The following SMYD3 variants were observed in gnomAD, a reference collection of about 807,000 sequenced individuals.
The protein encoded by SMYD3 is histone-lysine N-methyltransferase SMYD3.
A neutral mutation model predicts 57.7 loss-of-function variants in SMYD3; 36 were observed. The ratio of observed to expected loss-of-function variants is 0.62; its 90% confidence interval spans 0.48 to 0.82. SMYD3 has a LOEUF of 0.82. SMYD3 is among the 40% of genes least tolerant of loss of function. The probability of loss-of-function intolerance (pLI) is 0.00; values close to 1 mark genes in which losing one functional copy is unlikely to be tolerated. For synonymous variants in SMYD3, 211 were observed against 195.0 expected (o/e 1.08, Z -0.68); for missense variants, 515 against 538.8 (o/e 0.96, Z 0.44).
intron 1 of SMYD3, among the ~76,000 whole-genome samples, chr1:246,378,699 C>T (rs2066321285): frequency 1.7e-5 from 1 of 59,136 alleles, no homozygotes; most frequent in Non-Finnish European, 3.5e-5. Context: ...TTAATAAACT[C>T]CCCTTTATAT....
intron 5 of SMYD3, among the ~76,000 whole-genome samples, chr1:246,081,083 G>A (rs1351906225): frequency 6.6e-6 from 1 of 152,180 alleles, no homozygotes; most frequent in East Asian, 1.9e-4. Flanking sequence ...CCACTGAAAG[G>A]AAAATGTGAG....
At chr1:245,882,457 G>T (rs77072211) in intron 8 of SMYD3, among the ~76,000 whole-genome samples, 1 of 152,092 alleles carries the variant, frequency 6.6e-6, no homozygotes, top group African/African-American at 2.4e-5. Flanking sequence ...ACTACAATGA[G>T]CCAAAAATCA....
At position 246,022,209 on chromosome 1, in the gene SMYD3, T is replaced by C. The variant is rs557930440; in HGVS notation, c.532-92272A>G. Among the ~76,000 whole-genome samples the C allele has an allele frequency of 2.0e-5, 3 of 152,308 alleles. No individual in the cohort carries two copies. The East Asian group carries it at 5.8e-4, about 29-fold the overall frequency. On this transcript the variant is annotated intron_variant, in intron 5 of 11. Coordinates refer to ENST00000490107, the MANE Select transcript of SMYD3 (RefSeq NM_001167740.2). ...GCCATCACCTCTTTGCACAAGTCAA[T>C]ATGGGCAAAAATTGTTTTCAAAAAC...
intron 5 of SMYD3, among the ~76,000 whole-genome samples, chr1:246,189,708 A>G (rs1572182523): frequency 6.6e-6 from 1 of 152,262 alleles, no homozygotes; most frequent in South Asian, 2.1e-4. Flanking sequence ...CATGGGCAAA[A>G]TAAAGAAAGA....
At chr1:246,131,781 AATG>A (rs2061592063) in intron 5 of SMYD3, among the ~76,000 whole-genome samples, 1 of 152,232 alleles carries the variant, frequency 6.6e-6, no homozygotes, top group Admixed American at 6.5e-5. Flanking sequence ...GTTATTAAAC[AATG>A]ATGAACACAT....
At chr1:246,275,023 AT>A (rs990153734) in intron 5 of SMYD3, among the ~76,000 whole-genome samples, 10 of 151,984 alleles carry the variant, frequency 6.6e-5, no homozygotes, top group Non-Finnish European at 1.5e-4. Context: ...TTATAGGCAG[AT>A]TTTTTTTGAG....
chr1:246,413,502 C>T (rs566012609), intron 1 of SMYD3, among the ~76,000 whole-genome samples: 43 of 152,094 alleles, frequency 2.8e-4, no homozygotes, highest in Non-Finnish European at 4.6e-4. Context: ...TTTGAATATA[C>T]GTCCCCACCA....
At chr1:246,018,290 G>A (rs1417055656) in intron 5 of SMYD3, among the ~76,000 whole-genome samples, 3 of 152,032 alleles carry the variant, frequency 2.0e-5, no homozygotes, top group East Asian at 1.9e-4. Flanking sequence ...ACAACCAGCC[G>A]TGTCTCTGTT....
intron 5 of SMYD3, among the ~76,000 whole-genome samples, chr1:245,997,322 T>C (rs2058950586): frequency 6.6e-6 from 1 of 152,226 alleles, no homozygotes; most frequent in Non-Finnish European, 1.5e-5. Flanking sequence ...TCAACTTCAT[T>C]GTGAAATCAG....
At chr1:246,098,467 A>G (rs190082512) in intron 5 of SMYD3, among the ~76,000 whole-genome samples, 39 of 152,248 alleles carry the variant, frequency 2.6e-4, no homozygotes, top group Admixed American at 7.8e-4. Flanking sequence ...AAAGGCTACA[A>G]TTTGAATGTT....
chr1:246,486,485 A>G (rs2068190011), intron 1 of SMYD3, among the ~76,000 whole-genome samples: 1 of 152,204 alleles, frequency 6.6e-6, no homozygotes, highest in African/African-American at 2.4e-5. Flanking sequence ...TATTTATTTC[A>G]GGGATAAGTG....
intron 9 of SMYD3, among the ~76,000 whole-genome samples, chr1:245,861,032 G>A (rs1426179574): frequency 6.6e-6 from 1 of 152,244 alleles, no homozygotes; most frequent in Non-Finnish European, 1.5e-5. Context: ...TCATAGGAAT[G>A]CATTTATTTT....
At chr1:246,295,501 A>T (rs1188386231) in intron 5 of SMYD3, among the ~76,000 whole-genome samples, 1 of 152,222 alleles carries the variant, frequency 6.6e-6, no homozygotes, top group African/African-American at 2.4e-5. Context: ...TTGATTTAAC[A>T]AGAAGATTCT....
intron 5 of SMYD3, among the ~76,000 whole-genome samples, chr1:246,225,804 C>G (rs1044256658): frequency 6.6e-6 from 1 of 152,122 alleles, no homozygotes; most frequent in African/African-American, 2.4e-5. Flanking sequence ...CGGAGGGATT[C>G]GTAACAACTA....
intron 5 of SMYD3, among the ~76,000 whole-genome samples, chr1:246,267,394 T>C (rs1234612531): frequency 1.3e-5 from 2 of 152,242 alleles, no homozygotes; most frequent in East Asian, 3.8e-4. Context: ...TTATGGTTTA[T>C]GTTATTTATG....
chr1:245,866,674 G>C (rs1394973397), intron 8 of SMYD3, among the ~76,000 whole-genome samples: 1 of 152,190 alleles, frequency 6.6e-6, no homozygotes, highest in African/African-American at 2.4e-5. Context: ...AGAGGTTGCA[G>C]TGAGCCAAGA....
At chr1:246,329,446 T>G (rs972008629) in intron 4 of SMYD3, among the ~76,000 whole-genome samples, 5 of 152,186 alleles carry the variant, frequency 3.3e-5, no homozygotes, top group East Asian at 1.9e-4. Context: ...GGCCAGTGAT[T>G]GTGAGCATTT....
chr1:245,920,257 G>T (rs1166590605), intron 7 of SMYD3, among the ~76,000 whole-genome samples: 1 of 147,436 alleles, frequency 6.8e-6, no homozygotes, highest in Non-Finnish European at 1.5e-5. Context: ...AGCTTGCAGT[G>T]AGACGAGATC....
In SMYD3 at chr1:246,396,855, C is replaced by T. The variant is rs78924146; in HGVS notation, c.165-41761G>A. Reference sequence around the variant, plus strand: ...ACAGAATCATTAGCTGATGAAAGCTCTTTTCTTTATAAATTACCCAGTCTC... The same window carrying T: ...ACAGAATCATTAGCTGATGAAAGCTTTTTTCTTTATAAATTACCCAGTCTC... On this transcript the variant is annotated intron_variant, in intron 1 of 11. Coordinates refer to ENST00000490107, the MANE Select transcript of SMYD3 (RefSeq NM_001167740.2). Among the ~76,000 whole-genome samples the T allele has an allele frequency of 1.9e-3, 294 of 152,312 alleles. 1 individual carries two copies. The highest frequency in any genetic ancestry group is 6.9e-3 in the African/African-American group (287 of 41,572).
Sources: allele counts gnomAD v4.1 joint callset (sites outside exome capture counted in the v4.1 genomes callset), GRCh38; gene constraint gnomAD v4.1.1; transcripts MANE v1.5; gene names NCBI Gene and HGNC (gene_info 2026-07-23, HGNC 2026-07-21).